Variants in GLDN observed in about 807,000 individuals in gnomAD.
The protein encoded by GLDN is collomin.
A neutral mutation model predicts 56.5 loss-of-function variants in GLDN; 47 were observed. The observed-to-expected ratio is 0.83, with a 90% CI of 0.66 to 1.06. The LOEUF is 1.06. GLDN is among the 50% of genes least tolerant of loss of function. The pLI is 0.00. For missense variants in GLDN, 782 were observed against 714.3 expected, an observed-to-expected ratio of 1.09 and a Z score of -1.08; for synonymous variants, 332 against 278.8, an observed-to-expected ratio of 1.19 and a Z score of -1.90.
rs2038337961 is a variant in GLDN at position 51,404,733 on chromosome 15, G to A, written c.1635G>A (p.Leu545=). 3.1e-6 allele frequency: 5 copies of A among 1,587,596 alleles called. No individual in the cohort carries two copies. In the African/African-American group the frequency reaches 6.7e-5, roughly 21 times the overall value. ...GHLMLYPVQF[L]STTLNQ Reference sequence around the variant, plus strand: ...TAATGCTTTATCCTGTGCAGTTTTTGTCAACTACCTTAAATCAGTGATGTG... The same window carrying A: ...TAATGCTTTATCCTGTGCAGTTTTTATCAACTACCTTAAATCAGTGATGTG... Residue 545 remains leucine (L), a synonymous_variant, in exon 10 of 10, where the codon TTG becomes TTA. Transcript: ENST00000335449.
At chr15:51,344,651 T>G (rs189335008) in intron 1 of GLDN, among the ~76,000 whole-genome samples, 3 of 152,138 alleles carry the variant, frequency 2.0e-5, no homozygotes, top group Non-Finnish European at 4.4e-5. Context: ...AGGTCCTCAC[T>G]GTGAGGTCTT....
intron 9 of GLDN, 29 bp downstream of exon 9, chr15:51,401,772 C>T (rs752833025): frequency 6.2e-7 from 1 of 1,603,046 alleles, no homozygotes; most frequent in Non-Finnish European, 8.5e-7. Context: ...CCTTCTCACG[C>T]CTCTCAGGCA....
intron 4 of GLDN, among the ~76,000 whole-genome samples, chr15:51,388,908 T>A (rs775041508): frequency 5.9e-5 from 9 of 152,304 alleles, no homozygotes; most frequent in South Asian, 4.1e-4. Context: ...GGCTGAGTCT[T>A]CCTGGGAGGG....
intron 4 of GLDN, among the ~76,000 whole-genome samples, chr15:51,391,186 G>A (rs185794108): frequency 1.3e-5 from 2 of 152,300 alleles, no homozygotes; most frequent in East Asian, 3.9e-4. Context: ...TAAAACTACA[G>A]CCTCAAGCAA....
At position 51,405,433 on chromosome 15, in the gene GLDN, TAGAGAG is replaced by T. The variant is rs995205668; in HGVS notation, c.*684_*689del. On this transcript the variant is annotated 3_prime_UTR_variant, in exon 10 of 10. Transcript: ENST00000335449. ...ATTTTTTTTCTTTTCTTATTTTAAATAGAGAGAGAGTCTTGCTATGTTTCCCAGGCT... is the reference window on the plus strand; with the variant it reads ...ATTTTTTTTCTTTTCTTATTTTAAATAGAGTCTTGCTATGTTTCCCAGGCT... 3 of 149,170 alleles carry T rather than the reference TAGAGAG, an allele frequency of 2.0e-5. No homozygotes were observed. The highest frequency in any genetic ancestry group is 1.5e-5 in the Non-Finnish European group (1 of 67,602). 9.2% of individuals were successfully genotyped at this position (149,170 alleles called of 1,614,324 possible).
At position 51,358,302 on chromosome 15, in the gene GLDN, A is replaced by G. The variant is rs115432119; in HGVS notation, c.363+16255A>G. Among the ~76,000 whole-genome samples the G allele has an allele frequency of 8.4e-3, 1,281 of 152,302 alleles. 20 individuals are homozygous for G. The highest frequency in any genetic ancestry group is 0.029 in the African/African-American group (1,208 of 41,562). The stretch of plus-strand genomic sequence containing the variant: ...TCCAATTTGCCAGTGCCTACCCTAA[A>G]ACTGTTGTGCTTCAGTGCCATTTTC... On this transcript the variant is annotated intron_variant, in intron 1 of 9. Transcript: ENST00000335449.
intron 1 of GLDN, among the ~76,000 whole-genome samples, chr15:51,365,034 T>C (rs2037372512): frequency 6.6e-6 from 1 of 152,220 alleles, no homozygotes; most frequent in Non-Finnish European, 1.5e-5. Flanking sequence ...AGTGTGAAGC[T>C]GGTACTTCAA....
At chr15:51,382,815 A>G (rs2037796350) in intron 2 of GLDN, among the ~76,000 whole-genome samples, 1 of 152,202 alleles carries the variant, frequency 6.6e-6, no homozygotes, top group African/African-American at 2.4e-5. Context: ...CTCAAATAGA[A>G]TAGTCGACAA....
In GLDN at chr15:51,405,001, A is replaced by G; in HGVS notation, c.*247A>G. ...TTTCTCCTTGGGCCTTAGTTTCCCC[A>G]TTGGTAATCTGAATTGGCTAAGATG... On this transcript the variant is annotated 3_prime_UTR_variant, in exon 10 of 10. Transcript: ENST00000335449. The G allele has an allele frequency of 5.2e-6, 2 of 385,868 alleles. No individual in the cohort carries two copies. The highest frequency in any genetic ancestry group is 9.3e-6 in the Non-Finnish European group (2 of 215,020). 23.9% of individuals were successfully genotyped at this position (385,868 alleles called of 1,614,324 possible).
chr15:51,379,665 G>A (rs1277125920), intron 2 of GLDN, among the ~76,000 whole-genome samples: 1 of 152,146 alleles, frequency 6.6e-6, no homozygotes, highest in African/African-American at 2.4e-5. Context: ...GGGGCATTGT[G>A]AGCCAATTTT....
chr15:51,357,344 C>A (rs1043012744), intron 1 of GLDN, among the ~76,000 whole-genome samples: 1 of 152,210 alleles, frequency 6.6e-6, no homozygotes, highest in Non-Finnish European at 1.5e-5. Flanking sequence ...AACCTTTGAT[C>A]GGGAGAAGAC....
chr15:51,399,180 G>A (rs562263837), intron 6 of GLDN, among the ~76,000 whole-genome samples: 4 of 152,160 alleles, frequency 2.6e-5, no homozygotes, highest in Non-Finnish European at 4.4e-5. Context: ...ACAGATCCCC[G>A]ACACCACTCT....
intron 4 of GLDN, among the ~76,000 whole-genome samples, chr15:51,387,981 C>T (rs57215068): frequency 0.011 from 1,669 of 152,302 alleles, 35 homozygotes; most frequent in East Asian, 0.089. Context: ...GCCAAGCTCA[C>T]CCTTGCCCCA....
chr15:51,351,494 A>G (rs1479375411), intron 1 of GLDN, among the ~76,000 whole-genome samples: 2 of 152,176 alleles, frequency 1.3e-5, no homozygotes, highest in African/African-American at 4.8e-5. Flanking sequence ...AGCTCTGCCC[A>G]CTAGACCACA....
chr15:51,342,252 G>C (rs950549054), intron 1 of GLDN, among the ~76,000 whole-genome samples: 11 of 152,374 alleles, frequency 7.2e-5, no homozygotes, highest in African/African-American at 2.6e-4. Flanking sequence ...TTGGGGACAG[G>C]GTGAAGGAGG....
chr15:51,393,869 C>T (rs545732790), intron 4 of GLDN, among the ~76,000 whole-genome samples: 22 of 152,336 alleles, frequency 1.4e-4, no homozygotes, highest in African/African-American at 5.3e-4. Context: ...AGTCACAGCT[C>T]CCTGTGAACA....
At chr15:51,353,054 A>G (rs1434245045) in intron 1 of GLDN, among the ~76,000 whole-genome samples, 1 of 152,216 alleles carries the variant, frequency 6.6e-6, no homozygotes, top group Non-Finnish European at 1.5e-5. Flanking sequence ...GTAAAACATA[A>G]GATTGGTATT....
chr15:51,377,268 A>G (rs1354797875), intron 1 of GLDN, 181 bp from the exon 2 acceptor site: 4 of 579,732 alleles, frequency 6.9e-6, no homozygotes, highest in Non-Finnish European at 3.1e-6. Flanking sequence ...ACCATTGTGT[A>G]TGATTCGTTG....
chr15:51,349,742 AT>A (rs11424647), intron 1 of GLDN, among the ~76,000 whole-genome samples: 545 of 141,052 alleles, frequency 3.9e-3, no homozygotes, highest in Middle Eastern at 7.7e-3. Flanking sequence ...ACTAGGGCTG[AT>A]TTTTTTTTTT....
Sources: gnomAD v4.1 joint callset for allele counts (sites outside exome capture counted in the v4.1 genomes callset) on GRCh38, gnomAD v4.1.1 for gene constraint, MANE v1.5 for transcripts, NCBI Gene and HGNC (gene_info 2026-07-23, HGNC 2026-07-21) for gene names.